INPP5F: variants seen among roughly 807,000 people sequenced by gnomAD.
INPP5F encodes the protein inositol polyphosphate-5-phosphatase F.
A neutral mutation model predicts 137.2 loss-of-function variants in INPP5F; 97 were observed. That is an observed-to-expected ratio of 0.71 (90% CI 0.60 to 0.84). The LOEUF is 0.84. Ranked by LOEUF, INPP5F falls within the 40% of genes least tolerant of loss-of-function variation. The pLI, the probability that INPP5F is intolerant of heterozygous loss-of-function variation, is 0.00. For missense variants in INPP5F, 1,271 were observed against 1,371.9 expected (o/e 0.93, Z 1.16); for synonymous variants, 504 against 476.9 (o/e 1.06, Z -0.74).
intron 15 of INPP5F, among the ~76,000 whole-genome samples, chr10:119,812,871 C>A (rs1851097948): frequency 6.6e-6 from 1 of 151,668 alleles, no homozygotes; most frequent in Admixed American, 6.6e-5. Flanking sequence ...TGATTCATGT[C>A]CTTCACTTGT....
intron 15 of INPP5F, chr10:119,816,391 T>C (rs1007016638): frequency 4.6e-5 from 7 of 152,272 alleles, no homozygotes; most frequent in African/African-American, 1.7e-4. Flanking sequence ...TCAAAGTAAC[T>C]ATTGCGTTTC....
chr10:119,797,655 T>G lies in INPP5F; in HGVS notation c.1048+15T>G. The G allele has an allele frequency of 6.4e-7, 1 of 1,572,798 alleles. No homozygotes were observed. The highest frequency in any genetic ancestry group is 8.6e-7 in the Non-Finnish European group (1 of 1,158,292). On this transcript the variant is annotated intron_variant, in intron 8 of 19. Transcript: ENST00000650623. ...GCTGGACAGAAGTAAGCAGGTCAATTATTGGGTTTGCAAATGATGATTTCA... is the reference window on the plus strand; with the variant it reads ...GCTGGACAGAAGTAAGCAGGTCAATGATTGGGTTTGCAAATGATGATTTCA...
chr10:119,756,784 A>G (rs1040635094), intron 2 of INPP5F, among the ~76,000 whole-genome samples: 5 of 150,108 alleles, frequency 3.3e-5, no homozygotes, highest in African/African-American at 1.2e-4. Context: ...TTTAAAAAAT[A>G]TATGATAGAA....
chr10:119,727,238 G>A (rs1015803081), intron 1 of INPP5F, among the ~76,000 whole-genome samples: 3 of 152,352 alleles, frequency 2.0e-5, no homozygotes, highest in Non-Finnish European at 4.4e-5. Context: ...CGAGAGGATA[G>A]AGTTCTTTAA....
chr10:119,749,070 G>A (rs538940761), intron 1 of INPP5F, among the ~76,000 whole-genome samples: 3 of 152,186 alleles, frequency 2.0e-5, no homozygotes, highest in Admixed American at 6.5e-5. Context: ...CACCCGACTC[G>A]GTCGTGACGG....
At chr10:119,818,265 G>A (rs1851371046) in intron 15 of INPP5F, among the ~76,000 whole-genome samples, 1 of 152,260 alleles carries the variant, frequency 6.6e-6, no homozygotes, top group Non-Finnish European at 1.5e-5. Flanking sequence ...GACTGGAGAG[G>A]AAACCACGGA....
In INPP5F at chr10:119,797,648, G is replaced by T; in HGVS notation, c.1048+8G>T. The stretch of plus-strand genomic sequence containing the variant: ...GACCGCGGCTGGACAGAAGTAAGCA[G>T]GTCAATTATTGGGTTTGCAAATGAT... On this transcript the variant is annotated splice_region_variant and intron_variant, in intron 8 of 19. Coordinates refer to ENST00000650623, the MANE Select transcript of INPP5F (RefSeq NM_014937.4). The T allele has an allele frequency of 6.3e-7, 1 of 1,587,194 alleles. No individual in the cohort carries two copies. Among genetic ancestry groups the T allele is most frequent in the Non-Finnish European group, 8.6e-7 (1 of 1,166,706 alleles).
At chr10:119,743,331 G>T (rs1158675363) in intron 1 of INPP5F, among the ~76,000 whole-genome samples, 2 of 152,210 alleles carry the variant, frequency 1.3e-5, no homozygotes, top group African/African-American at 4.8e-5. Flanking sequence ...ACTGGGAACA[G>T]AAGCTCGAGG....
intron 10 of INPP5F, among the ~76,000 whole-genome samples, chr10:119,804,861 G>C (rs1319008759): frequency 6.6e-6 from 1 of 151,898 alleles, no homozygotes; most frequent in African/African-American, 2.4e-5. Flanking sequence ...CGAGTAGCTG[G>C]GACTACGGCA....
intron 6 of INPP5F, among the ~76,000 whole-genome samples, chr10:119,792,712 G>A (rs2134208239): frequency 6.6e-6 from 1 of 152,044 alleles, no homozygotes; most frequent in East Asian, 1.9e-4. Context: ...ATTGCAAGAA[G>A]TTCCTTTGGT....
chr10:119,765,446 A>G (rs1182693372), intron 2 of INPP5F, among the ~76,000 whole-genome samples: 1 of 151,888 alleles, frequency 6.6e-6, no homozygotes, highest in Non-Finnish European at 1.5e-5. Context: ...ATCTCAGCTC[A>G]CTACAGCCTC....
intron 1 of INPP5F, among the ~76,000 whole-genome samples, chr10:119,750,396 C>G (rs1227972911): frequency 6.6e-6 from 1 of 152,192 alleles, no homozygotes; most frequent in Non-Finnish European, 1.5e-5. Flanking sequence ...CCTTAGGCAT[C>G]CGTTGCATGT....
chr10:119,794,350 C>G (rs1022536763), intron 6 of INPP5F, among the ~76,000 whole-genome samples: 40 of 152,312 alleles, frequency 2.6e-4, no homozygotes, highest in African/African-American at 9.6e-4. Flanking sequence ...GGTCACAGAT[C>G]AACAGGATCC....
intron 16 of INPP5F, among the ~76,000 whole-genome samples, chr10:119,822,132 C>T (rs1398861751): frequency 1.3e-5 from 2 of 152,106 alleles, no homozygotes; most frequent in Middle Eastern, 3.2e-3. Flanking sequence ...TCATGATCCA[C>T]CCGCCTCGGC....
intron 2 of INPP5F, among the ~76,000 whole-genome samples, chr10:119,759,087 G>T (rs1287175482): frequency 6.6e-6 from 1 of 152,228 alleles, no homozygotes; most frequent in Non-Finnish European, 1.5e-5. Context: ...CTCATCCTCT[G>T]CTGGAGGCTG....
At chr10:119,805,985 G>A (rs928598489) in intron 11 of INPP5F, among the ~76,000 whole-genome samples, 3 of 152,174 alleles carry the variant, frequency 2.0e-5, no homozygotes, top group Non-Finnish European at 2.9e-5. Context: ...AAATAACTTC[G>A]TCTGTTTTGG....
At chr10:119,746,875 A>C (rs758355969) in intron 1 of INPP5F, among the ~76,000 whole-genome samples, 1 of 150,094 alleles carries the variant, frequency 6.7e-6, no homozygotes, top group East Asian at 2.0e-4. Context: ...GGCAACCTCT[A>C]CTTCCCGGAT....
At chr10:119,756,263 G>T (rs900924855) in intron 2 of INPP5F, among the ~76,000 whole-genome samples, 1 of 152,118 alleles carries the variant, frequency 6.6e-6, no homozygotes, top group African/African-American at 2.4e-5. Context: ...GAACCACTTA[G>T]ATTGTGGCTA....
chr10:119,731,399 C>T (rs368519162), intron 1 of INPP5F, among the ~76,000 whole-genome samples: 4 of 151,786 alleles, frequency 2.6e-5, no homozygotes, highest in Admixed American at 2.0e-4. Flanking sequence ...CATGGTGGCT[C>T]GCGCCTGTAA....
Sources: gnomAD v4.1 joint callset for allele counts (sites outside exome capture counted in the v4.1 genomes callset) on GRCh38, gnomAD v4.1.1 for gene constraint, MANE v1.5 for transcripts, NCBI Gene and HGNC (gene_info 2026-07-23, HGNC 2026-07-21) for gene names.